GSE1: variants seen among roughly 807,000 people sequenced by gnomAD.
GSE1 encodes Gse1 coiled-coil protein.
In GSE1, 32 loss-of-function variants were observed where a neutral mutation model predicts 112.6. That is an observed-to-expected ratio of 0.28 (90% CI 0.21 to 0.38). GSE1 has a LOEUF of 0.38. Ranked by LOEUF, GSE1 falls within the 10% of genes least tolerant of loss-of-function variation. GSE1 has a pLI of 1.00. For synonymous variants in GSE1, 1,115 were observed against 735.6 expected (o/e 1.52, Z -8.35); for missense variants, 2,348 against 1,699.2 (o/e 1.38, Z -6.71).
At chr16:85,174,311 C>A (rs1002937957) in intron 1 of GSE1, among the ~76,000 whole-genome samples, 1 of 152,190 alleles carries the variant, frequency 6.6e-6, no homozygotes, top group South Asian at 2.1e-4. Flanking sequence ...GTGGAACGGA[C>A]TGAGAAGAGA....
intron 2 of GSE1, among the ~76,000 whole-genome samples, chr16:85,398,966 T>G (rs1019786492): frequency 2.0e-5 from 3 of 151,994 alleles, no homozygotes; most frequent in Non-Finnish European, 4.4e-5. Flanking sequence ...TGCCTCTGGG[T>G]GTGTGTGTAG....
At chr16:85,331,786 G>T (rs1202668169) in intron 1 of GSE1, among the ~76,000 whole-genome samples, 6 of 145,764 alleles carry the variant, frequency 4.1e-5, no homozygotes, top group Non-Finnish European at 7.4e-5. Flanking sequence ...GACCTCAAGC[G>T]ATCTGCCCAC....
chr16:85,457,334 C>T (rs2049856922), intron 2 of GSE1, among the ~76,000 whole-genome samples: 2 of 152,290 alleles, frequency 1.3e-5, no homozygotes, highest in South Asian at 4.1e-4. Flanking sequence ...TGGGGGACAG[C>T]GAGACTCCCC....
At chr16:85,281,387 A>C (rs1242165472) in intron 1 of GSE1, among the ~76,000 whole-genome samples, 2 of 151,958 alleles carry the variant, frequency 1.3e-5, no homozygotes, top group African/African-American at 4.8e-5. Flanking sequence ...GGCACGAGTT[A>C]ATTAACCCTC....
chr16:85,324,806 G>A (rs1040338575), intron 1 of GSE1, among the ~76,000 whole-genome samples: 1 of 152,074 alleles, frequency 6.6e-6, no homozygotes, highest in African/African-American at 2.4e-5. Flanking sequence ...CGATTCCGTC[G>A]GGGAAAGGGG....
At chr16:85,477,536 C>G (rs1351197708) in intron 2 of GSE1, among the ~76,000 whole-genome samples, 1 of 131,392 alleles carries the variant, frequency 7.6e-6, no homozygotes, top group Non-Finnish European at 1.7e-5. Flanking sequence ...CACTTTCCAG[C>G]TGCAGAAAAA....
At chr16:85,246,234 C>CAA (rs1905673612) in intron 1 of GSE1, among the ~76,000 whole-genome samples, 1 of 141,882 alleles carries the variant, frequency 7.0e-6, no homozygotes, top group East Asian at 2.1e-4. Flanking sequence ...CACACACACA[C>CAA]ACACGCACAC....
chr16:85,441,356 C>T (rs1261766333), intron 2 of GSE1, among the ~76,000 whole-genome samples: 1 of 152,168 alleles, frequency 6.6e-6, no homozygotes, highest in African/African-American at 2.4e-5. Context: ...AAGGGACACT[C>T]ACAAAACAGG....
chr16:85,325,188 C>T (rs974505065), intron 1 of GSE1, among the ~76,000 whole-genome samples: 2 of 151,960 alleles, frequency 1.3e-5, no homozygotes, highest in Non-Finnish European at 2.9e-5. Context: ...AGGCTGGTCT[C>T]GAACTGCTAG....
chr16:85,307,498 G>A (rs1477179075), intron 1 of GSE1, among the ~76,000 whole-genome samples: 3 of 152,222 alleles, frequency 2.0e-5, no homozygotes, highest in Non-Finnish European at 4.4e-5. Context: ...TCAGCCAAGG[G>A]GAGGGACCCA....
intron 1 of GSE1, among the ~76,000 whole-genome samples, chr16:85,224,301 C>CAAAAAAAAAAAAAAAAAAAAAA (rs55755242): frequency 2.6e-5 from 1 of 38,814 alleles, no homozygotes; most frequent in African/African-American, 1.1e-4. Flanking sequence ...ACTAAAAATA[C>CAAAAAAAAAAAAAAAAAAAAAA]AAAAAAAAAA....
intron 1 of GSE1, among the ~76,000 whole-genome samples, chr16:85,335,248 C>T (rs578110938): frequency 6.6e-6 from 1 of 152,344 alleles, no homozygotes; most frequent in Non-Finnish European, 1.5e-5. Context: ...CGGGGGTGAG[C>T]GGCCCTGAGT....
intron 1 of GSE1, among the ~76,000 whole-genome samples, chr16:85,200,139 C>T (rs2075001682): frequency 6.6e-6 from 1 of 152,202 alleles, no homozygotes; most frequent in Admixed American, 6.5e-5. Flanking sequence ...CACCTTGTCA[C>T]TCTTTCCTCC....
intron 2 of GSE1, among the ~76,000 whole-genome samples, chr16:85,540,657 A>G (rs2044486270): frequency 6.6e-6 from 1 of 152,090 alleles, no homozygotes; most frequent in Admixed American, 6.5e-5. Flanking sequence ...GTGGCTCACC[A>G]CTGTAATCCC....
chr16:85,170,275 G>A (rs2074338056), exon 1 of GSE1: 1 of 985,668 alleles, frequency 1.0e-6, no homozygotes, highest in Non-Finnish European at 1.2e-6. Flanking sequence ...GCCCAAGTCC[G>A]GGGTTAGGCG....
intron 1 of GSE1, among the ~76,000 whole-genome samples, chr16:85,277,868 G>C (rs906028311): frequency 6.6e-6 from 1 of 152,244 alleles, no homozygotes; most frequent in African/African-American, 2.4e-5. Flanking sequence ...CTGCTGCTGG[G>C]CCTCTGCCTG....
chr16:85,663,041 A>C lies in GSE1; in HGVS notation c.2321A>C (p.His774Pro), dbSNP rs1177752583. ...AGCGATGAGGAGGAGGTCAGGGCCCACCTCCGTTGCGTGGCCGAGCAGCCG... is the reference window on the plus strand; with the variant it reads ...AGCGATGAGGAGGAGGTCAGGGCCCCCCTCCGTTGCGTGGCCGAGCAGCCG... ...DESDEEEVRA[H>P]LRCVAEQPPL... Residue 774 changes from histidine to proline, a missense_variant, in exon 10 of 16, where the codon CAC (histidine) becomes CCC (proline). His to Pro is a moderately conservative substitution (Grantham distance 77). Coordinates refer to ENST00000253458, the MANE Select transcript of GSE1 (RefSeq NM_014615.5). The C allele has an allele frequency of 6.2e-7, 1 of 1,612,910 alleles. No individual in the cohort carries two copies. The highest frequency in any genetic ancestry group is 8.5e-7 in the Non-Finnish European group (1 of 1,179,672).
intron 2 of GSE1, among the ~76,000 whole-genome samples, chr16:85,402,041 G>C (rs771528685): frequency 6.6e-6 from 1 of 152,230 alleles, no homozygotes; most frequent in Admixed American, 6.5e-5. Context: ...GCCCGGAGAC[G>C]TTGGAGGCCC....
At chr16:85,360,244 C>T (rs59147100) in intron 2 of GSE1, among the ~76,000 whole-genome samples, 4 of 151,168 alleles carry the variant, frequency 2.6e-5, no homozygotes, top group South Asian at 2.1e-4. Flanking sequence ...TAGCGGGGTA[C>T]GTTGGGGGCG....
Sources: allele counts gnomAD v4.1 joint callset (sites outside exome capture counted in the v4.1 genomes callset), GRCh38; gene constraint gnomAD v4.1.1; transcripts MANE v1.5; gene names NCBI Gene and HGNC (gene_info 2026-07-23, HGNC 2026-07-21).